ATP10B: variants seen among roughly 807,000 people sequenced by gnomAD.
ATP10B encodes ATPase phospholipid transporting 10B (putative).
A neutral mutation model predicts 141.2 loss-of-function variants in ATP10B; 122 were observed. That is an observed-to-expected ratio of 0.86 (90% CI 0.75 to 1.00). The LOEUF is 1.00. Ranked by LOEUF, ATP10B falls within the 50% of genes least tolerant of loss-of-function variation. The pLI is 0.00. For synonymous variants in ATP10B, 685 were observed against 692.0 expected (o/e 0.99, Z 0.16); for missense variants, 1,876 against 1,825.3 (o/e 1.03, Z -0.51).
chr5:160,827,705 T>G (rs528416513), intron 1 of ATP10B, among the ~76,000 whole-genome samples: 3 of 152,218 alleles, frequency 2.0e-5, no homozygotes, highest in Non-Finnish European at 4.4e-5. Context: ...TTTAATAGCT[T>G]GAGGTCTCAA....
At chr5:160,629,269 C>G (rs1015609025) in intron 13 of ATP10B, among the ~76,000 whole-genome samples, 6 of 152,042 alleles carry the variant, frequency 3.9e-5, no homozygotes, top group Non-Finnish European at 5.9e-5. Context: ...CAGGAGCTCT[C>G]TAGGGACGGC....
intron 2 of ATP10B, among the ~76,000 whole-genome samples, chr5:160,735,958 A>C (rs1767088028): frequency 6.6e-6 from 1 of 152,192 alleles, no homozygotes; most frequent in South Asian, 2.1e-4. Flanking sequence ...ATGGAAACAC[A>C]ACATACCAAA....
chr5:160,798,931 T>C (rs2127926281), intron 1 of ATP10B, among the ~76,000 whole-genome samples: 1 of 152,088 alleles, frequency 6.6e-6, no homozygotes, highest in East Asian at 1.9e-4. Context: ...TTTGTACTTT[T>C]ATTCGAGATG....
intron 13 of ATP10B, among the ~76,000 whole-genome samples, chr5:160,628,712 A>G (rs1758745686): frequency 1.3e-5 from 2 of 152,108 alleles, no homozygotes; most frequent in African/African-American, 4.8e-5. Flanking sequence ...GCACTGAAAA[A>G]CATTCTGCAA....
At chr5:160,642,328 G>T (rs1229430175) in intron 9 of ATP10B, among the ~76,000 whole-genome samples, 1 of 152,196 alleles carries the variant, frequency 6.6e-6, no homozygotes, top group South Asian at 2.1e-4. Flanking sequence ...GCTGTGAGGA[G>T]CACACACCTC....
chr5:160,588,727 G>A (rs1756078209), intron 24 of ATP10B, among the ~76,000 whole-genome samples: 1 of 152,158 alleles, frequency 6.6e-6, no homozygotes. Context: ...AAGGGCTCTA[G>A]AGGTTAAATA....
intron 1 of ATP10B, among the ~76,000 whole-genome samples, chr5:160,807,402 G>T (rs1772854977): frequency 6.6e-6 from 1 of 152,136 alleles, no homozygotes; most frequent in Non-Finnish European, 1.5e-5. Context: ...GAAAGAGAAT[G>T]GGCTGTGCTT....
At chr5:160,755,814 CAAAAAAAA>C (rs763385041) in intron 2 of ATP10B, among the ~76,000 whole-genome samples, 5,793 of 47,704 alleles carry the variant, frequency 0.12, 691 homozygotes, top group African/African-American at 0.32. Context: ...GACTCCGTCT[CAAAAAAAA>C]AAAAAAAAAA....
intron 2 of ATP10B, among the ~76,000 whole-genome samples, chr5:160,742,759 G>T (rs369026489): frequency 6.6e-6 from 1 of 152,120 alleles, no homozygotes; most frequent in Non-Finnish European, 1.5e-5. Flanking sequence ...TTTGGGGGGA[G>T]GATTTGGGGA....
chr5:160,721,589 T>C (rs1415724259), intron 2 of ATP10B, among the ~76,000 whole-genome samples: 1 of 152,198 alleles, frequency 6.6e-6, no homozygotes, highest in South Asian at 2.1e-4. Flanking sequence ...GAGAGGCAGG[T>C]GGAAAAGGCT....
At chr5:160,905,787 G>T in the ATP10B span, among the ~76,000 whole-genome samples, 1 of 151,960 alleles carries the variant, frequency 6.6e-6, no homozygotes, top group East Asian at 1.9e-4. Flanking sequence ...ATAAATGCTG[G>T]CTATTAAATG....
intron 2 of ATP10B, among the ~76,000 whole-genome samples, chr5:160,774,281 G>A (rs562308345): frequency 1.8e-4 from 28 of 152,212 alleles, no homozygotes; most frequent in Admixed American, 1.3e-3. Flanking sequence ...TGTACTGGCT[G>A]TGCAAAGCAG....
At chr5:160,745,149 C>G (rs1018451516) in intron 2 of ATP10B, among the ~76,000 whole-genome samples, 2 of 152,198 alleles carry the variant, frequency 1.3e-5, no homozygotes, top group Admixed American at 6.5e-5. Context: ...TTACCATTGT[C>G]ATTATTGTTA....
At chr5:160,707,302 A>G (rs1378824068) in intron 3 of ATP10B, among the ~76,000 whole-genome samples, 1 of 152,152 alleles carries the variant, frequency 6.6e-6, no homozygotes, top group Non-Finnish European at 1.5e-5. Context: ...TGTGAGTCAC[A>G]CTTCTTCTGA....
At chr5:160,676,853 C>T (rs1763061514) in intron 6 of ATP10B, among the ~76,000 whole-genome samples, 1 of 152,128 alleles carries the variant, frequency 6.6e-6, no homozygotes, top group Non-Finnish European at 1.5e-5. Flanking sequence ...ATCATTATCC[C>T]TATTTCATAG....
chr5:160,782,015 A>G (rs1304361085), intron 2 of ATP10B, among the ~76,000 whole-genome samples: 2 of 152,218 alleles, frequency 1.3e-5, no homozygotes, highest in Non-Finnish European at 2.9e-5. Context: ...GCTGTGGGAT[A>G]GAAAGTATTA....
intron 2 of ATP10B, among the ~76,000 whole-genome samples, chr5:160,774,603 T>C (rs1245486108): frequency 6.6e-6 from 1 of 152,166 alleles, no homozygotes; most frequent in Non-Finnish European, 1.5e-5. Context: ...TTCTTTATAT[T>C]TTCCTGAGGT....
chr5:160,568,857 G>A (rs1283086343), intron 25 of ATP10B, among the ~76,000 whole-genome samples: 2 of 152,210 alleles, frequency 1.3e-5, no homozygotes, highest in Non-Finnish European at 2.9e-5. Flanking sequence ...CACATTTACT[G>A]CAGAGGGTTT....
At chr5:160,922,375 G>C in the ATP10B span, among the ~76,000 whole-genome samples, 1 of 152,052 alleles carries the variant, frequency 6.6e-6, no homozygotes, top group African/African-American at 2.4e-5. Context: ...GAGGTATTTA[G>C]CACTGGGCCT....
Sources: allele counts gnomAD v4.1 joint callset (sites outside exome capture counted in the v4.1 genomes callset), GRCh38; gene constraint gnomAD v4.1.1; transcripts MANE v1.5; gene names NCBI Gene and HGNC (gene_info 2026-07-23, HGNC 2026-07-21).